Variants in UBASH3B observed in about 807,000 individuals in gnomAD.
The protein encoded by UBASH3B is ubiquitin associated and SH3 domain containing B.
A neutral mutation model predicts 83.4 loss-of-function variants in UBASH3B; 37 were observed. The ratio of observed to expected loss-of-function variants is 0.44; its 90% CI spans 0.34 to 0.58. UBASH3B has a LOEUF of 0.58. Among genes scored for constraint, UBASH3B ranks in the 20% least tolerant of loss-of-function variants. The probability of loss-of-function intolerance (pLI) is 0.01; values close to 1 mark genes in which losing one functional copy is unlikely to be tolerated. For synonymous variants in UBASH3B, 304 were observed against 318.3 expected (o/e 0.96, Z 0.48); for missense variants, 657 against 827.2 (o/e 0.79, Z 2.52).
rs568426707 is a variant in UBASH3B at position 122,782,888 on chromosome 11, C to T, written c.602-165C>T. Reference sequence around the variant, plus strand: ...TTGATTCGGAATCTCTTGCCATCCCCTTACCCCCTTATTCTACTGCTGTGA... The same window carrying T: ...TTGATTCGGAATCTCTTGCCATCCCTTTACCCCCTTATTCTACTGCTGTGA... On this transcript the variant is annotated intron_variant, in intron 4 of 13. Coordinates refer to ENST00000284273, the MANE Select transcript of UBASH3B (RefSeq NM_032873.5). The T allele has an allele frequency of 3.8e-6, 3 of 796,018 alleles. No individual in the cohort carries two copies. In the East Asian group the frequency reaches 7.7e-5, roughly 20 times the overall value. 49.3% of individuals were successfully genotyped at this position (796,018 alleles called of 1,614,324 possible). A position where few individuals can be genotyped will look rare whatever the true frequency, so the allele number is the denominator to read the frequency against.
Position 122,760,478 on chromosome 11 carries a change from G to A in UBASH3B, c.162-15741G>A, listed in dbSNP as rs547974335. 7.2e-5 allele frequency among the ~76,000 whole-genome samples: 11 copies of A among 151,750 alleles called. No homozygotes were observed. The East Asian group carries it at 7.8e-4, about 11-fold the overall frequency. On this transcript the variant is annotated intron_variant, in intron 1 of 13. Coordinates refer to ENST00000284273, the MANE Select transcript of UBASH3B (RefSeq NM_032873.5). Reference sequence around the variant, plus strand: ...CGGGTTCAAGCAATTCTCCTGCCTCGGCCTCCCAAGTAGCTGGGATTACAG... The same window carrying A: ...CGGGTTCAAGCAATTCTCCTGCCTCAGCCTCCCAAGTAGCTGGGATTACAG...
At chr11:122,699,557 CTTTCTTTCTTTCTTTCT>C (rs1864013336) in intron 1 of UBASH3B, among the ~76,000 whole-genome samples, 1 of 142,910 alleles carries the variant, frequency 7.0e-6, no homozygotes, top group Non-Finnish European at 1.5e-5. Context: ...TTCTTTCTTT[CTTTCTTTCTTTCTTTCT>C]TTTCTTTCTT....
intron 1 of UBASH3B, among the ~76,000 whole-genome samples, chr11:122,721,244 C>CAAAAAAAA (rs34298191): frequency 4.1e-5 from 3 of 73,144 alleles, no homozygotes; most frequent in African/African-American, 5.4e-5. Context: ...GACTGTGTCT[C>CAAAAAAAA]AAAAAAAAAA....
intron 1 of UBASH3B, among the ~76,000 whole-genome samples, chr11:122,715,196 C>T (rs779313138): frequency 1.1e-4 from 17 of 152,306 alleles, no homozygotes; most frequent in South Asian, 1.0e-3. Context: ...CCGCCCGCCT[C>T]GGCCTCCCAA....
chr11:122,740,435 C>T (rs1861006059), intron 1 of UBASH3B, among the ~76,000 whole-genome samples: 1 of 152,138 alleles, frequency 6.6e-6, no homozygotes, highest in African/African-American at 2.4e-5. Flanking sequence ...CGTGTGTTGT[C>T]CCAGGATTAG....
At chr11:122,704,269 G>C (rs1435066123) in intron 1 of UBASH3B, among the ~76,000 whole-genome samples, 1 of 152,196 alleles carries the variant, frequency 6.6e-6, no homozygotes, top group Non-Finnish European at 1.5e-5. Flanking sequence ...TGAGAAGGTG[G>C]CTGGAAGAAG....
intron 1 of UBASH3B, among the ~76,000 whole-genome samples, chr11:122,687,297 A>G (rs1057129076): frequency 2.0e-5 from 3 of 152,240 alleles, no homozygotes; most frequent in Non-Finnish European, 2.9e-5. Context: ...GCAGTGTGTA[A>G]TACATATAAG....
intron 1 of UBASH3B, among the ~76,000 whole-genome samples, chr11:122,712,756 C>T (rs559558386): frequency 3.3e-5 from 5 of 152,236 alleles, no homozygotes; most frequent in South Asian, 4.1e-4. Flanking sequence ...CTACCAAGTG[C>T]AGCTTCTTAA....
At chr11:122,730,810 G>A (rs1234446378) in intron 1 of UBASH3B, among the ~76,000 whole-genome samples, 1 of 151,974 alleles carries the variant, frequency 6.6e-6, no homozygotes, top group Non-Finnish European at 1.5e-5. Flanking sequence ...GGTCAGACTG[G>A]TCTTGAACTC....
intron 1 of UBASH3B, among the ~76,000 whole-genome samples, chr11:122,711,695 CCAATT>C (rs1864194764): frequency 1.3e-5 from 2 of 152,336 alleles, no homozygotes; most frequent in Admixed American, 1.3e-4. Context: ...TCTGATAGAA[CCAATT>C]TCCTTTACTG....
Position 122,656,015 on chromosome 11 carries a change from G to T in UBASH3B, c.-35G>T. 1 of 1,505,150 alleles carries T rather than the reference G, an allele frequency of 6.6e-7. No individual in the cohort carries two copies. The highest frequency in any genetic ancestry group is 2.8e-5 in the East Asian group (1 of 36,338). 93.2% of individuals were successfully genotyped at this position (1,505,150 alleles called of 1,614,324 possible). A position where few individuals can be genotyped will look rare whatever the true frequency, so the allele number is the denominator to read the frequency against. ...TCCTCCTTCCCGAACCATCCGGCTC[G>T]GGCTCCTTCCCTGGCGATGGCTGGC... On this transcript the variant is annotated 5_prime_UTR_variant, in exon 1 of 14. Coordinates refer to ENST00000284273, the MANE Select transcript of UBASH3B (RefSeq NM_032873.5).
chr11:122,785,563 G>A (rs897366012), intron 5 of UBASH3B, among the ~76,000 whole-genome samples: 8 of 152,184 alleles, frequency 5.3e-5, no homozygotes, highest in Non-Finnish European at 7.3e-5. Flanking sequence ...GGGCTCTTCC[G>A]TGTTAGTGAT....
chr11:122,734,932 A>C (rs1384515216), intron 1 of UBASH3B, among the ~76,000 whole-genome samples: 1 of 132,190 alleles, frequency 7.6e-6, no homozygotes, highest in Non-Finnish European at 1.8e-5. Context: ...TTTCCTTATC[A>C]CAGTTTTTTC....
chr11:122,719,811 C>T (rs896768979), intron 1 of UBASH3B, among the ~76,000 whole-genome samples: 3 of 152,160 alleles, frequency 2.0e-5, no homozygotes, highest in African/African-American at 7.2e-5. Context: ...CACTAATGGC[C>T]ACAGTAGTGC....
chr11:122,792,377 G>A (rs1861073059), intron 6 of UBASH3B, among the ~76,000 whole-genome samples: 1 of 149,990 alleles, frequency 6.7e-6, no homozygotes, highest in Non-Finnish European at 1.5e-5. Flanking sequence ...GGAGCACAGT[G>A]GTGCAATGTT....
chr11:122,692,614 A>C (rs997046080), intron 1 of UBASH3B, among the ~76,000 whole-genome samples: 1 of 152,238 alleles, frequency 6.6e-6, no homozygotes, highest in Non-Finnish European at 1.5e-5. Flanking sequence ...GACAGTTTGC[A>C]TACTGCCGAG....
At chr11:122,693,971 T>C (rs948779305) in intron 1 of UBASH3B, among the ~76,000 whole-genome samples, 5 of 152,212 alleles carry the variant, frequency 3.3e-5, no homozygotes, top group African/African-American at 1.2e-4. Flanking sequence ...AATTTTCCTA[T>C]GTGACATTTG....
Position 122,806,348 on chromosome 11 carries a change from A to C in UBASH3B, c.1596-62A>C. ...TGCCTTGAAATAAAAGTTTAGAGTG[A>C]TATCTTCCTTTGTCTCAAGATCAAA... On this transcript the variant is annotated intron_variant, in intron 11 of 13. Transcript: ENST00000284273. The surrounding 1 kb of genome is among the most constrained non-coding windows in gnomAD (Gnocchi z 4.0). The C allele has an allele frequency of 1.4e-6, 2 of 1,385,238 alleles. No homozygotes were observed. The highest frequency in any genetic ancestry group is 2.0e-6 in the Non-Finnish European group (2 of 998,610). The allele number at this position is 1,385,238 out of a possible 1,614,324, so 85.8% of individuals were successfully genotyped here.
intron 1 of UBASH3B, among the ~76,000 whole-genome samples, chr11:122,757,342 T>C (rs1297542400): frequency 6.6e-6 from 1 of 152,144 alleles, no homozygotes; most frequent in Non-Finnish European, 1.5e-5. Flanking sequence ...CTATAAGAAG[T>C]TGGCAGTCTG....
Sources: allele counts gnomAD v4.1 joint callset (sites outside exome capture counted in the v4.1 genomes callset), GRCh38; gene constraint gnomAD v4.1.1; non-coding constraint Gnocchi (gnomAD v3.1); transcripts MANE v1.5; gene names NCBI Gene and HGNC (gene_info 2026-07-23, HGNC 2026-07-21).